Variants in PHF14 observed in about 807,000 individuals in gnomAD.
The protein encoded by PHF14 is PHD finger protein 14.
In PHF14, 55 loss-of-function variants were observed where a neutral mutation model predicts 117.9. The ratio of observed to expected loss-of-function variants is 0.47; its 90% CI spans 0.38 to 0.58. PHF14 has a LOEUF of 0.58. PHF14 is among the 20% of genes least tolerant of loss of function. PHF14 has a pLI of 0.00. For synonymous variants in PHF14, 409 were observed against 368.6 expected, an observed-to-expected ratio of 1.11 and a Z score of -1.26; for missense variants, 978 against 1,122.2, an observed-to-expected ratio of 0.87 and a Z score of 1.84.
At chr7:11,127,511 A>G (rs1321359179) in intron 17 of PHF14, among the ~76,000 whole-genome samples, 1 of 151,996 alleles carries the variant, frequency 6.6e-6, no homozygotes, top group African/African-American at 2.4e-5. Context: ...AGCCATTCCC[A>G]CTGCAGCCAT....
chr7:11,003,027 G>A (rs1026671105), intron 4 of PHF14, among the ~76,000 whole-genome samples: 7 of 151,474 alleles, frequency 4.6e-5, no homozygotes, highest in Admixed American at 2.6e-4. Context: ...GCTCACTGTC[G>A]CCTCCCAGCT....
At chr7:11,098,847 T>A (rs567355575) in intron 16 of PHF14, among the ~76,000 whole-genome samples, 1 of 152,314 alleles carries the variant, frequency 6.6e-6, no homozygotes, top group East Asian at 1.9e-4. Context: ...GTTTCCTTTT[T>A]GCCTTAGACC....
chr7:11,088,601 G>A (rs892602845), intron 16 of PHF14, among the ~76,000 whole-genome samples: 4 of 151,450 alleles, frequency 2.6e-5, no homozygotes, highest in Non-Finnish European at 5.9e-5. Flanking sequence ...TACTGTTTTG[G>A]TTTTGTTAGT....
intron 6 of PHF14, among the ~76,000 whole-genome samples, chr7:11,026,132 G>A (rs542277553): frequency 6.8e-6 from 1 of 148,126 alleles, no homozygotes; most frequent in Non-Finnish European, 1.5e-5. Flanking sequence ...AAAAAAGAGA[G>A]AGAAATTGCC....
At chr7:11,051,166 G>A (rs1299371746) in intron 13 of PHF14, among the ~76,000 whole-genome samples, 1 of 151,962 alleles carries the variant, frequency 6.6e-6, no homozygotes, top group African/African-American at 2.4e-5. Context: ...TCAGCTTCCT[G>A]AGTAGCTGGG....
At chr7:11,050,492 T>TG (rs1784822704) in intron 13 of PHF14, among the ~76,000 whole-genome samples, 1 of 152,206 alleles carries the variant, frequency 6.6e-6, no homozygotes, top group Admixed American at 6.5e-5. Flanking sequence ...TTCCAGCAGT[T>TG]GTTGTTTAGA....
At chr7:10,983,431 G>A (rs1782112672) in intron 3 of PHF14, among the ~76,000 whole-genome samples, 1 of 152,154 alleles carries the variant, frequency 6.6e-6, no homozygotes, top group African/African-American at 2.4e-5. Flanking sequence ...CTTGGGAAAT[G>A]ACAAAGTTTT....
At chr7:11,145,216 T>C (rs1788511547) in intron 17 of PHF14, among the ~76,000 whole-genome samples, 1 of 152,062 alleles carries the variant, frequency 6.6e-6, no homozygotes. Flanking sequence ...ATTCCTGATA[T>C]TTTTAAAATG....
At chr7:11,038,979 C>T (rs953353978) in intron 11 of PHF14, 124 bp downstream of exon 11, 5 of 432,834 alleles carry the variant, frequency 1.2e-5, no homozygotes, top group Non-Finnish European at 2.1e-5. Flanking sequence ...GGGCCTAATC[C>T]TTTGGGATAA....
intron 17 of PHF14, among the ~76,000 whole-genome samples, chr7:11,113,798 G>A (rs77401436): frequency 0.012 from 1,868 of 152,206 alleles, 29 homozygotes; most frequent in African/African-American, 0.043. Flanking sequence ...TAGTATTACA[G>A]CCTAAGAAGA....
Position 11,041,687 on chromosome 7 carries a change from C to G in PHF14, c.2180+912C>G, listed in dbSNP as rs114750830. Among the ~76,000 whole-genome samples the G allele has an allele frequency of 6.6e-3, 1,008 of 151,902 alleles. 10 individuals are homozygous for G. Among genetic ancestry groups the G allele is most frequent in the African/African-American group, 0.023 (959 of 41,480 alleles). On this transcript the variant is annotated intron_variant, in intron 12 of 17. Transcript: ENST00000634607. ...TGTACAATGTGAACATTAGCACATT[C>G]TCAGGCCAGCTTTTTCAAACACGGT...
At position 11,150,265 on chromosome 7, in the gene PHF14, T is replaced by C. The variant is rs114053230; in HGVS notation, c.2773-19151T>C. 3.6e-3 allele frequency among the ~76,000 whole-genome samples: 541 copies of C among 152,252 alleles called. 3 individuals carry two copies. Among genetic ancestry groups the C allele is most frequent in the African/African-American group, 0.012 (501 of 41,562 alleles). On this transcript the variant is annotated intron_variant, in intron 17 of 17. Coordinates refer to ENST00000634607, the MANE Select transcript of PHF14 (RefSeq NM_001007157.2). ...GAATGCTTATGGTTATTGTTACTGG[T>C]TATAGTTATGGTTATTGTTGTGCAG...
intron 16 of PHF14, among the ~76,000 whole-genome samples, chr7:11,068,030 G>A (rs995394228): frequency 5.9e-5 from 9 of 152,088 alleles, no homozygotes; most frequent in African/African-American, 2.2e-4. Flanking sequence ...CATACATACA[G>A]TAGAATATTA....
chr7:11,114,646 T>A (rs747603503), intron 17 of PHF14, among the ~76,000 whole-genome samples: 1 of 152,142 alleles, frequency 6.6e-6, no homozygotes, highest in Non-Finnish European at 1.5e-5. Context: ...CTCTGTCTCA[T>A]CAACTCTTCA....
chr7:11,047,032 C>G (rs964193102), intron 13 of PHF14, among the ~76,000 whole-genome samples: 1 of 149,836 alleles, frequency 6.7e-6, no homozygotes, highest in African/African-American at 2.5e-5. Context: ...TTTTTTTTAA[C>G]TTACACGAAT....
intron 17 of PHF14, among the ~76,000 whole-genome samples, chr7:11,114,038 A>G (rs1190014662): frequency 6.6e-6 from 1 of 152,132 alleles, no homozygotes; most frequent in African/African-American, 2.4e-5. Context: ...TGCCATGTTC[A>G]TATATTTTAA....
chr7:11,111,116 T>G, intron 16 of PHF14: 1 of 395,708 alleles, frequency 2.5e-6, no homozygotes, highest in East Asian at 4.3e-5. Context: ...GTGTTCTAAA[T>G]ATTTGTTTTG....
At chr7:11,020,313 C>T (rs1156660765) in intron 5 of PHF14, among the ~76,000 whole-genome samples, 3 of 152,156 alleles carry the variant, frequency 2.0e-5, no homozygotes, top group African/African-American at 7.2e-5. Context: ...TGGTCTTGAG[C>T]TCCTGGGCTC....
intron 17 of PHF14, among the ~76,000 whole-genome samples, chr7:11,153,636 G>A (rs1788762059): frequency 6.6e-6 from 1 of 152,084 alleles, no homozygotes; most frequent in Non-Finnish European, 1.5e-5. Flanking sequence ...TCTAAGGACA[G>A]CATTAAACAG....
Sources: gnomAD v4.1 joint callset for allele counts (sites outside exome capture counted in the v4.1 genomes callset) on GRCh38, gnomAD v4.1.1 for gene constraint, MANE v1.5 for transcripts, NCBI Gene and HGNC (gene_info 2026-07-23, HGNC 2026-07-21) for gene names.